Variants in SAMD8 observed in about 807,000 individuals in gnomAD.
SAMD8 encodes the protein sterile alpha motif domain containing 8.
A neutral mutation model predicts 42.0 loss-of-function variants in SAMD8; 20 were observed. The observed-to-expected ratio is 0.48, with a 90% CI of 0.34 to 0.69. The LOEUF (loss-of-function observed/expected upper bound fraction) is 0.69, where lower values mean the gene tolerates loss of function less well. SAMD8 is among the 30% of genes least tolerant of loss of function. The probability of loss-of-function intolerance (pLI) is 0.01; values close to 1 mark genes in which losing one functional copy is unlikely to be tolerated. For synonymous variants in SAMD8, 162 were observed against 173.0 expected, an observed-to-expected ratio of 0.94 and a Z score of 0.50; for missense variants, 328 against 511.6, an observed-to-expected ratio of 0.64 and a Z score of 3.46.
intron 1 of SAMD8, among the ~76,000 whole-genome samples, chr10:75,117,752 T>A (rs2134420323): frequency 6.6e-6 from 1 of 152,268 alleles, no homozygotes; most frequent in South Asian, 2.1e-4. Context: ...TTTTACCAAA[T>A]TGATATGTTA....
chr10:75,149,652 T>G, intron 1 of SAMD8, among the ~76,000 whole-genome samples: 1 of 152,210 alleles, frequency 6.6e-6, no homozygotes, highest in East Asian at 1.9e-4. Context: ...TCCTTTATGT[T>G]TATTTCCCCC....
In SAMD8 at chr10:75,168,571, G is replaced by C. The variant is rs374637353; in HGVS notation, c.705G>C (p.Leu235=). The C allele has an allele frequency of 1.7e-5, 28 of 1,613,884 alleles. No homozygotes were observed. In the African/African-American group the frequency reaches 3.1e-4, roughly 18 times the overall value. The change falls in exon 4 of 6, where the codon CTG becomes CTC. Residue 235 remains leucine, a synonymous_variant. Transcript: ENST00000542569. The stretch of plus-strand genomic sequence containing the variant: ...TACTTCTGCGAAGGCTCTGTAGTCT[G>C]ATGGGAACTGTATTCTTGCTTCGCT... ...RSILLRRLCS[L]MGTVFLLRCF...
Position 75,168,678 on chromosome 10 carries a change from A to T in SAMD8, c.792+20A>T, listed in dbSNP as rs1328870544. On this transcript the variant is annotated intron_variant, in intron 4 of 5. Coordinates refer to ENST00000542569, the MANE Select transcript of SAMD8 (RefSeq NM_001174156.2). The stretch of plus-strand genomic sequence containing the variant: ...GGAAAGGTAGCCTGCTACCTTCTTT[A>T]TCATTCTTGTTTTTGGTGGGTTGAT... 6.7e-7 allele frequency: 1 copy of T among 1,500,064 alleles called. No homozygotes were observed. Among genetic ancestry groups the T allele is most frequent in the East Asian group, 2.3e-5 (1 of 44,258 alleles). The allele number at this position is 1,500,064 out of a possible 1,614,324, so 92.9% of individuals were successfully genotyped here.
chr10:75,141,140 C>T (rs892268688), intron 1 of SAMD8, among the ~76,000 whole-genome samples: 2 of 152,002 alleles, frequency 1.3e-5, no homozygotes, highest in Non-Finnish European at 2.9e-5. Flanking sequence ...CTCAGGAGTT[C>T]GAGATGGGTC....
In SAMD8 at chr10:75,176,799, G is replaced by A. The variant is rs928656488; in HGVS notation, c.*107G>A. On this transcript the variant is annotated 3_prime_UTR_variant, in exon 6 of 6. Transcript: ENST00000542569. The surrounding 1 kb of genome is among the most constrained non-coding windows in gnomAD (Gnocchi z 4.3). ...TTCTTAGATGCCTGGCTTATGTGTT[G>A]ACAAAGTAAAGTTTTCTGTTCTGAG... 42 of 819,652 alleles carry A rather than the reference G, an allele frequency of 5.1e-5. No individual in the cohort carries two copies. The highest frequency in any genetic ancestry group is 7.3e-4 in the Middle Eastern group (2 of 2,754). 50.8% of individuals were successfully genotyped at this position (819,652 alleles called of 1,614,324 possible). A position where few individuals can be genotyped will look rare whatever the true frequency, so the allele number is the denominator to read the frequency against.
At chr10:75,116,761 T>C (rs1848890432) in intron 1 of SAMD8, among the ~76,000 whole-genome samples, 1 of 152,226 alleles carries the variant, frequency 6.6e-6, no homozygotes, top group African/African-American at 2.4e-5. Context: ...TTTGAAGTCT[T>C]GAGCCAGTTT....
chr10:75,108,912 A>C (rs544378477), upstream of SAMD8: 371 of 1,471,804 alleles, frequency 2.5e-4, 1 homozygote, highest in Middle Eastern at 2.2e-3. Context: ...GAGCAGAGCT[A>C]TTTCTCCTTG....
chr10:75,126,937 C>G (rs1490077020), intron 1 of SAMD8, among the ~76,000 whole-genome samples: 1 of 151,936 alleles, frequency 6.6e-6, no homozygotes. Context: ...CCTGTAATCC[C>G]AGCACTTTGG....
chr10:75,163,419 CCTT>C (rs1468794636), intron 2 of SAMD8, among the ~76,000 whole-genome samples: 3 of 151,924 alleles, frequency 2.0e-5, no homozygotes, highest in Non-Finnish European at 4.4e-5. Flanking sequence ...TCCCTACCTT[CCTT>C]CTTTCTTCCC....
chr10:75,109,364 C>T (rs911682143), upstream of SAMD8: 46 of 473,236 alleles, frequency 9.7e-5, no homozygotes, highest in Non-Finnish European at 1.6e-4. Flanking sequence ...AGAGAGACCT[C>T]TGCAAGTCAG....
intron 1 of SAMD8, 166 bp from the exon 2 acceptor site, chr10:75,150,348 C>T: frequency 1.5e-6 from 1 of 663,600 alleles, no homozygotes; most frequent in Non-Finnish European, 1.9e-6. Flanking sequence ...TCTCGAACTC[C>T]TGGGCTTAAG....
chr10:75,118,638 C>A (rs751808169), intron 1 of SAMD8, among the ~76,000 whole-genome samples: 1 of 151,852 alleles, frequency 6.6e-6, no homozygotes, highest in South Asian at 2.1e-4. Context: ...AGCAAGACTC[C>A]GTCTCAAAAA....
intron 4 of SAMD8, among the ~76,000 whole-genome samples, chr10:75,170,898 C>G (rs1180031043): frequency 6.6e-6 from 1 of 150,722 alleles, no homozygotes; most frequent in Admixed American, 6.6e-5. Flanking sequence ...CTCAGCCTCC[C>G]GAGTAGCTGG....
chr10:75,180,912 A>G lies in SAMD8; in HGVS notation c.*4220A>G, dbSNP rs1048259532. 2 of 152,234 alleles carry G rather than the reference A, an allele frequency of 1.3e-5. No individual in the cohort carries two copies. Among genetic ancestry groups the G allele is most frequent in the Non-Finnish European group, 2.9e-5 (2 of 68,048 alleles). The allele number at this position is 152,234 out of a possible 1,614,324, so 9.4% of individuals were successfully genotyped here. A position where few individuals can be genotyped will look rare whatever the true frequency, so the allele number is the denominator to read the frequency against. On this transcript the variant is annotated 3_prime_UTR_variant, in exon 6 of 6. Transcript: ENST00000542569. ...GTATTCAACAAAAGGCAGTTTCACC[A>G]TTAATTTCATAGTAAGCTTTTTTAA...
chr10:75,178,537 A>C lies in SAMD8; in HGVS notation c.*1845A>C, dbSNP rs1458156089. On this transcript the variant is annotated 3_prime_UTR_variant, in exon 6 of 6. Transcript: ENST00000542569. ...GGAGGCAGTGATGTTGGCTTTTGGGAAAGGGTTCAAAAAACTGTATGGCAA... is the reference window on the plus strand; with the variant it reads ...GGAGGCAGTGATGTTGGCTTTTGGGCAAGGGTTCAAAAAACTGTATGGCAA... 1.3e-5 allele frequency: 2 copies of C among 152,196 alleles called. No homozygotes were observed. The highest frequency in any genetic ancestry group is 2.9e-5 in the Non-Finnish European group (2 of 68,046). The allele number at this position is 152,196 out of a possible 1,614,324, so 9.4% of individuals were successfully genotyped here. A position where few individuals can be genotyped will look rare whatever the true frequency, so the allele number is the denominator to read the frequency against.
intron 3 of SAMD8, among the ~76,000 whole-genome samples, chr10:75,164,975 G>A (rs919320010): frequency 2.0e-5 from 3 of 152,208 alleles, no homozygotes; most frequent in Non-Finnish European, 4.4e-5. Context: ...ATGCCCTATG[G>A]CTGATCGTGC....
intron 1 of SAMD8, among the ~76,000 whole-genome samples, chr10:75,142,523 G>A (rs777913523): frequency 4.5e-4 from 68 of 152,118 alleles, no homozygotes; most frequent in Non-Finnish European, 8.4e-4. Flanking sequence ...TGCAACCTCC[G>A]CTTCCCAGGT....
At chr10:75,136,371 A>T (rs1185698151) in intron 1 of SAMD8, among the ~76,000 whole-genome samples, 1 of 152,208 alleles carries the variant, frequency 6.6e-6, no homozygotes, top group Non-Finnish European at 1.5e-5. Flanking sequence ...AGTTAATGAG[A>T]AGAGAGCTGA....
chr10:75,166,007 A>G (rs1589974317), intron 3 of SAMD8, among the ~76,000 whole-genome samples: 1 of 149,490 alleles, frequency 6.7e-6, no homozygotes, highest in Non-Finnish European at 1.5e-5. Context: ...AAGAAAGATT[A>G]TTTTGTACAA....
Sources: allele counts gnomAD v4.1 joint callset (sites outside exome capture counted in the v4.1 genomes callset), GRCh38; gene constraint gnomAD v4.1.1; non-coding constraint Gnocchi (gnomAD v3.1); transcripts MANE v1.5; gene names NCBI Gene and HGNC (gene_info 2026-07-23, HGNC 2026-07-21).